FRMPD4: variants seen among roughly 807,000 people sequenced by gnomAD.
The protein encoded by FRMPD4 is FERM and PDZ domain containing 4.
A neutral mutation model predicts 94.1 loss-of-function variants in FRMPD4; 22 were observed. The observed-to-expected ratio is 0.23, with a 90% CI of 0.17 to 0.33. The LOEUF (loss-of-function observed/expected upper bound fraction) is 0.33. Among genes scored for constraint, FRMPD4 ranks in the 10% least tolerant of loss-of-function variants. The pLI is 1.00. For missense variants in FRMPD4, 1,111 were observed against 1,339.9 expected (o/e 0.83, Z 2.67); for synonymous variants, 631 against 548.6 (o/e 1.15, Z -2.10).
At chrX:12,275,820 A>G (rs1275773467) in intron 1 of FRMPD4, among the ~76,000 whole-genome samples, 1 of 111,439 alleles carries the variant, frequency 9.0e-6, no homozygotes, top group Non-Finnish European at 1.9e-5. Context: ...TCAATGGACA[A>G]TGTTAGGGTG....
chrX:12,539,854 G>A (rs1189294626), intron 2 of FRMPD4, among the ~76,000 whole-genome samples: 1 of 111,308 alleles, frequency 9.0e-6, no homozygotes, highest in African/African-American at 3.3e-5. Context: ...GGCTGGTCTC[G>A]AACTCCTGAC....
intron 1 of FRMPD4, among the ~76,000 whole-genome samples, chrX:12,167,286 G>A (rs1001542471): frequency 8.9e-5 from 10 of 111,858 alleles, no homozygotes; most frequent in Non-Finnish European, 1.7e-4. Context: ...GAACATCTTT[G>A]TTTCTGCCTT....
intron 3 of FRMPD4, among the ~76,000 whole-genome samples, chrX:12,101,503 T>C (rs2147509710): frequency 8.9e-6 from 1 of 111,967 alleles, no homozygotes; most frequent in Admixed American, 9.5e-5. Flanking sequence ...GAGTCTTAGC[T>C]CATTCTCCAA....
chrX:12,047,179 A>G (rs1190994257), intron 3 of FRMPD4, among the ~76,000 whole-genome samples: 2 of 110,141 alleles, frequency 1.8e-5, no homozygotes, highest in African/African-American at 6.6e-5. Flanking sequence ...ATGTGGCTAC[A>G]TATATGTATG....
intron 3 of FRMPD4, among the ~76,000 whole-genome samples, chrX:11,895,526 C>A (rs750655411): frequency 6.9e-4 from 77 of 111,396 alleles, no homozygotes; most frequent in Admixed American, 1.1e-3. Context: ...TTAGGTTCAT[C>A]CAATATAACA....
intron 2 of FRMPD4, among the ~76,000 whole-genome samples, chrX:12,546,242 G>A (rs756659340): frequency 4.9e-4 from 53 of 107,814 alleles, no homozygotes; most frequent in African/African-American, 1.7e-3. Context: ...GTGCGGTGGC[G>A]TGGTCTCTGT....
At chrX:12,664,416 G>A (rs1188321794) in intron 4 of FRMPD4, among the ~76,000 whole-genome samples, 1 of 111,893 alleles carries the variant, frequency 8.9e-6, no homozygotes, top group Admixed American at 9.5e-5. Context: ...GCATGAAGAG[G>A]TGTTGAGTTT....
chrX:12,560,822 T>C (rs1302470251), intron 2 of FRMPD4, among the ~76,000 whole-genome samples: 1 of 82,377 alleles, frequency 1.2e-5, no homozygotes, highest in Non-Finnish European at 2.3e-5. Context: ...CAGGCTGGAG[T>C]GCAGTGGCGG....
At chrX:12,481,580 A>G (rs915213375) in intron 1 of FRMPD4, among the ~76,000 whole-genome samples, 3 of 110,580 alleles carry the variant, frequency 2.7e-5, no homozygotes, top group Non-Finnish European at 5.7e-5. Context: ...GTGGGTTAAC[A>G]CATATTTTGT....
intron 2 of FRMPD4, among the ~76,000 whole-genome samples, chrX:12,509,763 C>T (rs1268697920): frequency 8.9e-6 from 1 of 111,833 alleles, no homozygotes; most frequent in Non-Finnish European, 1.9e-5. Flanking sequence ...AGAATTTAGG[C>T]ATTTAGGTAA....
At position 12,721,919 on chromosome X, in the gene FRMPD4, G is replaced by T. The variant is rs2042247982; in HGVS notation, c.*61G>T. 1 of 531,858 alleles carries T rather than the reference G, an allele frequency of 1.9e-6. No individual in the cohort carries two copies. The allele number at this position is 531,858 out of a possible 1,213,427, so 43.8% of individuals were successfully genotyped here. On this transcript the variant is annotated 3_prime_UTR_variant, in exon 17 of 17. Transcript: ENST00000675598. ...CCATACATGAACTTTTATTTACTTT[G>T]TGTGTATGATGAACAGATGTCTCCT...
intron 1 of FRMPD4, among the ~76,000 whole-genome samples, chrX:12,360,491 A>G (rs1393389245): frequency 9.0e-6 from 1 of 111,669 alleles, no homozygotes; most frequent in Admixed American, 9.5e-5. Context: ...AGGGGGAAAA[A>G]AGATGAAAAA....
At chrX:11,934,052 G>A (rs2054136672) in intron 3 of FRMPD4, among the ~76,000 whole-genome samples, 3 of 112,174 alleles carry the variant, frequency 2.7e-5, no homozygotes, top group Admixed American at 1.9e-4. Flanking sequence ...AGCTAATCAA[G>A]ATGGTTTGAT....
At chrX:12,164,982 T>A (rs1373885235) in intron 1 of FRMPD4, among the ~76,000 whole-genome samples, 1 of 112,081 alleles carries the variant, frequency 8.9e-6, no homozygotes, top group Non-Finnish European at 1.9e-5. Context: ...GCAAAAATTT[T>A]CTCCCATTCT....
At chrX:12,289,639 A>G (rs148197744) in intron 1 of FRMPD4, among the ~76,000 whole-genome samples, 11 of 111,349 alleles carry the variant, frequency 9.9e-5, no homozygotes, top group Non-Finnish European at 3.8e-5. Context: ...AGATGGGTCT[A>G]TGTCTCTTTA....
chrX:12,014,562 G>A (rs757224922), intron 3 of FRMPD4, among the ~76,000 whole-genome samples: 1 of 111,650 alleles, frequency 9.0e-6, no homozygotes, highest in South Asian at 3.8e-4. Flanking sequence ...AGAGTTAAGC[G>A]AGGTATTATG....
At chrX:12,363,223 T>G (rs1011837960) in intron 1 of FRMPD4, among the ~76,000 whole-genome samples, 2 of 112,726 alleles carry the variant, frequency 1.8e-5, no homozygotes, top group East Asian at 5.5e-4. Context: ...AGATCCCATT[T>G]GTCAATTTTG....
At chrX:12,621,466 C>T (rs1432723972) in intron 4 of FRMPD4, among the ~76,000 whole-genome samples, 1 of 101,272 alleles carries the variant, frequency 9.9e-6, no homozygotes, top group East Asian at 3.0e-4. Context: ...CAGTGGGATA[C>T]AAGAGAACAC....
At chrX:11,990,503 G>T (rs937344159) in intron 3 of FRMPD4, among the ~76,000 whole-genome samples, 2 of 111,987 alleles carry the variant, frequency 1.8e-5, no homozygotes, top group African/African-American at 6.5e-5. Context: ...AGAAATCTCA[G>T]GAAAACTGAA....
Sources: allele counts gnomAD v4.1 joint callset (sites outside exome capture counted in the v4.1 genomes callset), GRCh38; gene constraint gnomAD v4.1.1; transcripts MANE v1.5; gene names NCBI Gene and HGNC (gene_info 2026-07-23, HGNC 2026-07-21).